The following PTPRD variants were observed in gnomAD, a reference collection of about 807,000 sequenced individuals.
The protein encoded by PTPRD is receptor-type tyrosine-protein phosphatase delta.
PTPRD carries 34 observed loss-of-function variants against 214.5 expected under a neutral mutation model. The observed-to-expected ratio is 0.16, with a 90% CI of 0.12 to 0.21. The LOEUF is 0.21. Ranked by LOEUF, PTPRD falls within the 10% of genes least tolerant of loss-of-function variation. The pLI is 1.00. For synonymous variants in PTPRD, 1,128 were observed against 845.7 expected, an observed-to-expected ratio of 1.33 and a Z score of -5.79; for missense variants, 2,545 against 2,398.7, an observed-to-expected ratio of 1.06 and a Z score of -1.27.
At chr9:8,816,559 C>T (rs571753683) in intron 11 of PTPRD, among the ~76,000 whole-genome samples, 1 of 152,304 alleles carries the variant, frequency 6.6e-6, no homozygotes, top group Admixed American at 6.5e-5. Flanking sequence ...GTTGCCATGG[C>T]AACCAAACCA....
intron 11 of PTPRD, among the ~76,000 whole-genome samples, chr9:8,803,939 G>C (rs142032292): frequency 6.6e-4 from 99 of 150,778 alleles, no homozygotes; most frequent in Admixed American, 2.1e-3. Flanking sequence ...TTTTACGTTT[G>C]AAGTCCCTCA....
At chr9:9,603,208 G>T (rs1015610684) in intron 7 of PTPRD, among the ~76,000 whole-genome samples, 1 of 152,114 alleles carries the variant, frequency 6.6e-6, no homozygotes. Context: ...TATGTGGTCA[G>T]TTGCTGTCGG....
chr9:8,835,654 T>A (rs2097402621), intron 11 of PTPRD, among the ~76,000 whole-genome samples: 1 of 152,086 alleles, frequency 6.6e-6, no homozygotes, highest in South Asian at 2.1e-4. Flanking sequence ...CTCAGCCTCC[T>A]GAGTAGCTGG....
chr9:9,581,175 A>C (rs2090656063), intron 7 of PTPRD, among the ~76,000 whole-genome samples: 1 of 152,170 alleles, frequency 6.6e-6, no homozygotes, highest in Non-Finnish European at 1.5e-5. Context: ...AACTCTAATA[A>C]ATTATAATTA....
intron 10 of PTPRD, among the ~76,000 whole-genome samples, chr9:9,045,768 A>G (rs1457422979): frequency 2.0e-5 from 3 of 152,158 alleles, no homozygotes; most frequent in Non-Finnish European, 4.4e-5. Flanking sequence ...TGGGTCCTGG[A>G]AACATTTTAT....
In PTPRD at chr9:9,957,011, CT is replaced by C. The variant is rs1456510709; in HGVS notation, c.-471-18402del. The stretch of plus-strand genomic sequence containing the variant: ...GAACCTAACAAGAGAAACTATTGGG[CT>C]CAAGTTAAGTTGAAATTTGGAGTTG... On this transcript the variant is annotated intron_variant, in intron 4 of 45. Coordinates refer to ENST00000381196, the MANE Select transcript of PTPRD (RefSeq NM_002839.4). Among the ~76,000 whole-genome samples, 11 of 152,234 alleles carry C rather than the reference CT, an allele frequency of 7.2e-5. 1 individual carries two copies. The South Asian group carries it at 2.3e-3, about 32-fold the overall frequency.
At chr9:10,226,186 C>A (rs1326289728) in intron 3 of PTPRD, among the ~76,000 whole-genome samples, 1 of 152,008 alleles carries the variant, frequency 6.6e-6, no homozygotes, top group African/African-American at 2.4e-5. Flanking sequence ...TTGGGATGCA[C>A]TTAGTACCTG....
chr9:9,398,457 T>C (rs531858089), intron 8 of PTPRD, among the ~76,000 whole-genome samples: 1 of 152,142 alleles, frequency 6.6e-6, no homozygotes, highest in African/African-American at 2.4e-5. Flanking sequence ...TTATTTAGTG[T>C]ATAGATAGCA....
At chr9:9,697,643 T>G (rs1002035438) in intron 7 of PTPRD, among the ~76,000 whole-genome samples, 4 of 152,140 alleles carry the variant, frequency 2.6e-5, no homozygotes, top group African/African-American at 9.6e-5. Flanking sequence ...GAGAGTTTAA[T>G]TATTATATGC....
intron 12 of PTPRD, among the ~76,000 whole-genome samples, chr9:8,638,263 C>G (rs1211187507): frequency 1.3e-5 from 2 of 151,970 alleles, no homozygotes; most frequent in African/African-American, 4.8e-5. Flanking sequence ...AAAGTCATAA[C>G]AAAGTTTGTT....
intron 11 of PTPRD, among the ~76,000 whole-genome samples, chr9:8,774,630 G>A (rs10977291): frequency 0.67 from 100,408 of 149,740 alleles, 33,922 homozygotes; most frequent in Middle Eastern, 0.79. Flanking sequence ...CGCCTCCTGG[G>A]TTCAAGTGAT....
At chr9:10,036,877 A>ATTATTTATTTATTTATTTAT (rs59177466) in intron 3 of PTPRD, among the ~76,000 whole-genome samples, 3 of 107,194 alleles carry the variant, frequency 2.8e-5, no homozygotes, top group South Asian at 6.4e-4. Flanking sequence ...CCAAATTTTT[A>ATTATTTATTTATTTATTTAT]TTATTTATTT....
intron 11 of PTPRD, among the ~76,000 whole-genome samples, chr9:8,999,159 G>A (rs890177763): frequency 6.6e-6 from 1 of 152,036 alleles, no homozygotes; most frequent in Non-Finnish European, 1.5e-5. Flanking sequence ...GATTTAAGCA[G>A]ATTGACTCTA....
At chr9:10,459,983 T>G (rs2098946589) in intron 2 of PTPRD, among the ~76,000 whole-genome samples, 1 of 152,124 alleles carries the variant, frequency 6.6e-6, no homozygotes, top group Admixed American at 6.6e-5. Context: ...TTAACAATTT[T>G]AAGTGTACAG....
chr9:9,314,025 C>T (rs1960925192), intron 9 of PTPRD, among the ~76,000 whole-genome samples: 1 of 152,062 alleles, frequency 6.6e-6, no homozygotes, highest in African/African-American at 2.4e-5. Context: ...AGCTGTTTTA[C>T]TCTAACAAAT....
rs557203201 is a variant in PTPRD, at chr9:10,385,772, C to T, written c.-599-44755G>A. ...TAGTGCCTGACACATAGATGGCTAT[C>T]ACAAAAGAAATGAACATTATGAGAT... On this transcript the variant is annotated intron_variant, in intron 2 of 45. Coordinates refer to ENST00000381196, the MANE Select transcript of PTPRD (RefSeq NM_002839.4). Among the ~76,000 whole-genome samples, 6 of 151,820 alleles carry T rather than the reference C, an allele frequency of 4.0e-5. No individual in the cohort carries two copies. In the South Asian group the frequency reaches 1.2e-3, roughly 32 times the overall value.
chr9:10,263,524 T>G (rs990189105), intron 3 of PTPRD, among the ~76,000 whole-genome samples: 1 of 152,158 alleles, frequency 6.6e-6, no homozygotes, highest in Non-Finnish European at 1.5e-5. Context: ...GCAAAAAGAC[T>G]GGTGACATTT....
At chr9:9,426,415 C>T (rs896354065) in intron 8 of PTPRD, among the ~76,000 whole-genome samples, 12 of 152,264 alleles carry the variant, frequency 7.9e-5, no homozygotes, top group African/African-American at 2.6e-4. Context: ...CTGGGAAGCT[C>T]GAACTGGGTG....
At chr9:8,672,174 A>G (rs1302172095) in intron 12 of PTPRD, among the ~76,000 whole-genome samples, 1 of 152,176 alleles carries the variant, frequency 6.6e-6, no homozygotes, top group East Asian at 1.9e-4. Flanking sequence ...CTTTGATGTA[A>G]CCTTCTTGGT....
Sources: gnomAD v4.1 joint callset for allele counts (sites outside exome capture counted in the v4.1 genomes callset) on GRCh38, gnomAD v4.1.1 for gene constraint, MANE v1.5 for transcripts, NCBI Gene and HGNC (gene_info 2026-07-23, HGNC 2026-07-21) for gene names.